Variants in USO1 observed in about 807,000 individuals in gnomAD.
The protein encoded by USO1 is general vesicular transport factor p115.
In USO1, 57 loss-of-function variants were observed where a neutral mutation model predicts 124.5. The observed-to-expected ratio is 0.46, with a 90% CI of 0.37 to 0.57. The LOEUF is 0.57. Ranked by LOEUF, USO1 falls within the 20% of genes least tolerant of loss-of-function variation. USO1 has a pLI of 0.00. For synonymous variants in USO1, 369 were observed against 362.8 expected (o/e 1.02, Z -0.19); for missense variants, 900 against 1,040.6 (o/e 0.86, Z 1.86).
chr4:75,732,818 G>A (rs1011097694), intron 1 of USO1, among the ~76,000 whole-genome samples: 1 of 142,182 alleles, frequency 7.0e-6, no homozygotes, highest in Non-Finnish European at 1.5e-5. Flanking sequence ...GTTGGAGGTT[G>A]CAGTGAGCCA....
chr4:75,745,728 C>T (rs1215484565), intron 1 of USO1, among the ~76,000 whole-genome samples: 1 of 151,948 alleles, frequency 6.6e-6, no homozygotes, highest in Admixed American at 6.6e-5. Flanking sequence ...GGTGAAACCC[C>T]GTTTCTACTA....
chr4:75,750,587 G>A (rs991722952), intron 1 of USO1, among the ~76,000 whole-genome samples: 155 of 152,102 alleles, frequency 1.0e-3, no homozygotes, highest in African/African-American at 3.6e-3. Context: ...GGGTTCAAGC[G>A]ATTCTCCTGC....
At chr4:75,744,105 C>T (rs1293851823) in intron 1 of USO1, among the ~76,000 whole-genome samples, 1 of 152,042 alleles carries the variant, frequency 6.6e-6, no homozygotes, top group African/African-American at 2.4e-5. Context: ...TTAGATCCAA[C>T]AGCCATAAAA....
rs745452355 is a variant in USO1 at position 75,724,633 on chromosome 4, A to C, written c.-187A>C. On this transcript the variant is annotated 5_prime_UTR_variant, in exon 1 of 24. Transcript: ENST00000514213. ...TAATGCCACGTCCCCGCGCATGCGC[A>C]TCTTGGCCGCTGCTGGCGGCTGTTT... 3 of 595,282 alleles carry C rather than the reference A, an allele frequency of 5.0e-6. No homozygotes were observed. Among genetic ancestry groups the C allele is most frequent in the Non-Finnish European group, 5.9e-6 (2 of 336,344 alleles). The allele number at this position is 595,282 out of a possible 1,614,324, so 36.9% of individuals were successfully genotyped here. A position where few individuals can be genotyped will look rare whatever the true frequency, so the allele number is the denominator to read the frequency against.
In USO1 at chr4:75,724,865, C is replaced by T; in HGVS notation, c.46C>T (p.Gln16Ter). The T allele has an allele frequency of 6.2e-7, 1 of 1,613,678 alleles. No homozygotes were observed. The highest frequency in any genetic ancestry group is 8.5e-7 in the Non-Finnish European group (1 of 1,179,760). ...GVMGGQSAGP[Q>*]HTEAETIQKL... Reference sequence around the variant, plus strand: ...AATGGGGGGTCAGAGTGCCGGACCCCAGCACACAGAAGCCGAGACGGTGAG... The same window carrying T: ...AATGGGGGGTCAGAGTGCCGGACCCTAGCACACAGAAGCCGAGACGGTGAG... The change falls in exon 1 of 24, where the codon CAG becomes TAG. Residue 16 changes from glutamine (Q) to a stop codon, truncating the protein, a stop_gained. Transcript: ENST00000514213. LOFTEE classifies it high-confidence loss of function.
chr4:75,732,980 G>A lies in USO1; in HGVS notation c.66+8095G>A, dbSNP rs1287341574. 2.7e-5 allele frequency among the ~76,000 whole-genome samples: 4 copies of A among 149,726 alleles called. No homozygotes were observed. The East Asian group carries it at 8.0e-4, about 30-fold the overall frequency. On this transcript the variant is annotated intron_variant, in intron 1 of 23. Transcript: ENST00000514213. Reference sequence around the variant, plus strand: ...TATATCATAAAATCACGTCTGTAGGGCCGGGTGCGGTGGCTCATGCCTATA... The same window carrying A: ...TATATCATAAAATCACGTCTGTAGGACCGGGTGCGGTGGCTCATGCCTATA...
At chr4:75,806,802 C>T (rs1238259187) in intron 20 of USO1, among the ~76,000 whole-genome samples, 1 of 152,080 alleles carries the variant, frequency 6.6e-6, no homozygotes, top group African/African-American at 2.4e-5. Flanking sequence ...CTCAGCATCT[C>T]ACCCATGTTA....
chr4:75,762,164 C>CTTTTTT (rs375866579), intron 4 of USO1, among the ~76,000 whole-genome samples: 3 of 70,156 alleles, frequency 4.3e-5, no homozygotes, highest in African/African-American at 5.7e-5. Flanking sequence ...AACAATTTTA[C>CTTTTTT]TTTTTTTTTT....
intron 8 of USO1, among the ~76,000 whole-genome samples, chr4:75,775,336 C>T (rs1162586871): frequency 2.0e-5 from 3 of 152,026 alleles, no homozygotes; most frequent in Admixed American, 6.6e-5. Flanking sequence ...GCCAGGAGTT[C>T]GAGACCAGTC....
intron 8 of USO1, among the ~76,000 whole-genome samples, chr4:75,777,797 T>C (rs2149172434): frequency 6.6e-6 from 1 of 152,308 alleles, no homozygotes; most frequent in South Asian, 2.1e-4. Flanking sequence ...CTCACAAAGC[T>C]AAACATAGTC....
intron 4 of USO1, among the ~76,000 whole-genome samples, chr4:75,759,365 G>A (rs1389425626): frequency 3.3e-5 from 5 of 149,314 alleles, no homozygotes; most frequent in African/African-American, 1.2e-4. Context: ...AGGCCGAGGC[G>A]GGTGGATCAC....
chr4:75,728,990 G>A lies in USO1; in HGVS notation c.66+4105G>A, dbSNP rs1720548615. On this transcript the variant is annotated intron_variant, in intron 1 of 23. Transcript: ENST00000514213. ...TTTTTGTATTTTTAGTGGAGATGGG[G>A]TTTCACCGTGTTAACCAGGATGGTC... 1.3e-5 allele frequency among the ~76,000 whole-genome samples: 2 copies of A among 152,014 alleles called. 1 individual carries two copies. The highest frequency in any genetic ancestry group is 4.1e-4 in the South Asian group (2 of 4,824).
At position 75,813,936 on chromosome 4, in the gene USO1, T is replaced by C. The variant is rs941408828; in HGVS notation, c.*641T>C. 2.0e-5 allele frequency: 3 copies of C among 152,226 alleles called. No individual in the cohort carries two copies. Among genetic ancestry groups the C allele is most frequent in the African/African-American group, 7.2e-5 (3 of 41,456 alleles). The allele number at this position is 152,226 out of a possible 1,614,324, so 9.4% of individuals were successfully genotyped here. A position where few individuals can be genotyped will look rare whatever the true frequency, so the allele number is the denominator to read the frequency against. On this transcript the variant is annotated 3_prime_UTR_variant, in exon 24 of 24. Coordinates refer to ENST00000514213, the MANE Select transcript of USO1 (RefSeq NM_003715.4). ...TGTGGAGGGCATTCCGGAGAAACTT[T>C]TGCAACAGTGTATTAATGTGATTGG...
At chr4:75,792,476 G>T (rs960212446) in intron 12 of USO1, among the ~76,000 whole-genome samples, 1 of 152,126 alleles carries the variant, frequency 6.6e-6, no homozygotes, top group Admixed American at 6.5e-5. Flanking sequence ...GGCGGAGGTT[G>T]CAGTGAACTG....
At chr4:75,765,297 A>G (rs1162694743) in intron 4 of USO1, among the ~76,000 whole-genome samples, 1 of 151,964 alleles carries the variant, frequency 6.6e-6, no homozygotes, top group African/African-American at 2.4e-5. Flanking sequence ...CTTTTTGTAT[A>G]ATTTCTTTAT....
At chr4:75,743,689 G>A (rs1721031421) in intron 1 of USO1, among the ~76,000 whole-genome samples, 1 of 152,068 alleles carries the variant, frequency 6.6e-6, no homozygotes, top group East Asian at 1.9e-4. Flanking sequence ...TGATTTTTTA[G>A]TTTGTTTTTC....
At chr4:75,776,419 G>A (rs1349750433) in intron 8 of USO1, among the ~76,000 whole-genome samples, 1 of 152,174 alleles carries the variant, frequency 6.6e-6, no homozygotes, top group Non-Finnish European at 1.5e-5. Flanking sequence ...AAGATTAAAT[G>A]GAAGAGGGGA....
In USO1 at chr4:75,773,923, G is replaced by A. The variant is rs554489310; in HGVS notation, c.556-753G>A. Among the ~76,000 whole-genome samples the A allele has an allele frequency of 1.6e-4, 24 of 150,414 alleles. 1 individual carries two copies. The East Asian group carries it at 3.9e-3, about 24-fold the overall frequency. ...ACAATAATATCTGTGCTTTTTTTTC[G>A]TAAAATATTTGTTGTCTCTTTTACC... On this transcript the variant is annotated intron_variant, in intron 7 of 23. Coordinates refer to ENST00000514213, the MANE Select transcript of USO1 (RefSeq NM_003715.4).
At chr4:75,744,368 T>G (rs575880746) in intron 1 of USO1, among the ~76,000 whole-genome samples, 1 of 152,328 alleles carries the variant, frequency 6.6e-6, no homozygotes, top group South Asian at 2.1e-4. Context: ...GGATGATGGC[T>G]CATTCATGAT....
Sources: gnomAD v4.1 joint callset for allele counts (sites outside exome capture counted in the v4.1 genomes callset) on GRCh38, gnomAD v4.1.1 for gene constraint, MANE v1.5 for transcripts, NCBI Gene and HGNC (gene_info 2026-07-23, HGNC 2026-07-21) for gene names.